The following THADA variants were observed in gnomAD, a reference collection of about 807,000 sequenced individuals.
The protein encoded by THADA is THADA armadillo repeat containing, also known as tRNA (32-2'-O)-methyltransferase regulator THADA.
Under a neutral mutation model 219.8 loss-of-function variants are expected in THADA, and 213 were observed. That is an observed-to-expected ratio of 0.97 (90% CI 0.87 to 1.09). THADA has a LOEUF of 1.09. Among genes scored for constraint, THADA ranks in the 50% least tolerant of loss-of-function variants. The pLI, the probability that THADA is intolerant of heterozygous loss-of-function variation, is 0.00. For synonymous variants in THADA, 1,018 were observed against 828.9 expected, an observed-to-expected ratio of 1.23 and a Z score of -3.92; for missense variants, 2,956 against 2,311.3, an observed-to-expected ratio of 1.28 and a Z score of -5.72.
intron 26 of THADA, among the ~76,000 whole-genome samples, chr2:43,456,940 G>A (rs1683072589): frequency 6.6e-6 from 1 of 152,076 alleles, no homozygotes; most frequent in East Asian, 1.9e-4. Context: ...TTGAAAGCAT[G>A]AATAAAATTT....
intron 36 of THADA, among the ~76,000 whole-genome samples, chr2:43,236,590 C>T (rs1326307005): frequency 6.6e-6 from 1 of 152,196 alleles, no homozygotes; most frequent in Non-Finnish European, 1.5e-5. Flanking sequence ...GGCTCAGTGG[C>T]TCACACCTGT....
intron 29 of THADA, among the ~76,000 whole-genome samples, chr2:43,389,875 C>T (rs754940678): frequency 2.0e-5 from 3 of 151,330 alleles, no homozygotes; most frequent in Non-Finnish European, 4.4e-5. Context: ...GTGCACATAA[C>T]ATGTAGCCAC....
At chr2:43,497,831 G>A (rs937113768) in intron 25 of THADA, among the ~76,000 whole-genome samples, 4 of 152,114 alleles carry the variant, frequency 2.6e-5, no homozygotes, top group African/African-American at 9.7e-5. Context: ...GTTGCAGTGA[G>A]CTGAGATCAC....
intron 16 of THADA, among the ~76,000 whole-genome samples, chr2:43,557,480 C>T (rs185935673): frequency 6.6e-6 from 1 of 152,292 alleles, no homozygotes; most frequent in South Asian, 2.1e-4. Flanking sequence ...GGAGGCTGTA[C>T]CTGGTGAAAC....
intron 30 of THADA, among the ~76,000 whole-genome samples, chr2:43,340,844 G>A (rs1324034125): frequency 2.0e-5 from 3 of 152,116 alleles, no homozygotes; most frequent in Admixed American, 6.5e-5. Flanking sequence ...AGAAGGGACC[G>A]CTAGGACGAG....
chr2:43,365,048 C>T (rs937748299), intron 29 of THADA, among the ~76,000 whole-genome samples: 1 of 151,272 alleles, frequency 6.6e-6, no homozygotes, highest in Non-Finnish European at 1.5e-5. Flanking sequence ...ACCTCCGCCT[C>T]CCGAGTAGCT....
chr2:43,566,258 G>A (rs531572557), intron 15 of THADA: 8 of 473,814 alleles, frequency 1.7e-5, no homozygotes, highest in East Asian at 6.8e-5. Context: ...TTGTCTTTCC[G>A]AAACCAGACT....
chr2:43,308,459 C>T (rs927882579), intron 31 of THADA, among the ~76,000 whole-genome samples: 1 of 152,104 alleles, frequency 6.6e-6, no homozygotes, highest in African/African-American at 2.4e-5. Context: ...AATCCCAACA[C>T]TTTGGGAGGC....
intron 15 of THADA, 26 bp downstream of exon 15, chr2:43,566,672 T>C (rs893315611): frequency 6.2e-7 from 1 of 1,607,878 alleles, no homozygotes; most frequent in South Asian, 1.1e-5. Flanking sequence ...CAAAAATTAC[T>C]TCCCCTAACA....
At chr2:43,450,663 C>T (rs1364653935) in intron 26 of THADA, among the ~76,000 whole-genome samples, 1 of 152,018 alleles carries the variant, frequency 6.6e-6, no homozygotes. Context: ...ATTAAACTCA[C>T]CAACCACAAG....
intron 29 of THADA, among the ~76,000 whole-genome samples, chr2:43,357,130 G>C (rs1668954102): frequency 6.6e-6 from 1 of 152,174 alleles, no homozygotes; most frequent in African/African-American, 2.4e-5. Flanking sequence ...CAAGTATTTA[G>C]CAAAGAACAT....
chr2:43,454,985 C>T (rs1682811474), intron 26 of THADA, among the ~76,000 whole-genome samples: 1 of 151,786 alleles, frequency 6.6e-6, no homozygotes, highest in Admixed American at 6.6e-5. Flanking sequence ...TGGGGTGAAT[C>T]ATTTTTCATT....
intron 22 of THADA, 66 bp from the exon 23 acceptor site, chr2:43,508,846 GCA>G (rs1690028606): frequency 1.3e-6 from 2 of 1,488,432 alleles, no homozygotes; most frequent in Non-Finnish European, 9.3e-7. Context: ...AACTATTGAT[GCA>G]CATTTACACT....
intron 29 of THADA, among the ~76,000 whole-genome samples, chr2:43,395,928 T>C (rs933616544): frequency 6.6e-6 from 1 of 152,074 alleles, no homozygotes; most frequent in African/African-American, 2.4e-5. Flanking sequence ...AGTTAATTTA[T>C]GTAATTTTAG....
At chr2:43,478,199 A>T (rs1043114083) in intron 26 of THADA, among the ~76,000 whole-genome samples, 1 of 152,246 alleles carries the variant, frequency 6.6e-6, no homozygotes, top group Non-Finnish European at 1.5e-5. Context: ...AATTAAGAGT[A>T]TATTTTATTT....
intron 31 of THADA, among the ~76,000 whole-genome samples, chr2:43,297,063 C>A (rs1390688491): frequency 9.8e-6 from 1 of 102,268 alleles, no homozygotes; most frequent in Non-Finnish European, 2.0e-5. Context: ...GGAGCGTCTC[C>A]GCCCGGCCGC....
At chr2:43,234,520 C>T (rs1234139484) in intron 36 of THADA, among the ~76,000 whole-genome samples, 1 of 152,182 alleles carries the variant, frequency 6.6e-6, no homozygotes, top group Non-Finnish European at 1.5e-5. Context: ...TGGGTCTGAG[C>T]CATGTGTTGA....
intron 34 of THADA, among the ~76,000 whole-genome samples, chr2:43,288,742 G>C (rs776295972): frequency 2.0e-5 from 3 of 152,116 alleles, no homozygotes; most frequent in Non-Finnish European, 4.4e-5. Context: ...ATTGGACATC[G>C]GTGATCAACT....
At chr2:43,562,465 T>TA (rs1698185482) in intron 15 of THADA, 1 of 152,076 alleles carries the variant, frequency 6.6e-6, no homozygotes, top group Non-Finnish European at 1.5e-5. Context: ...AGTCTGGTCT[T>TA]AAACTCCTGA....
Sources: allele counts gnomAD v4.1 joint callset (sites outside exome capture counted in the v4.1 genomes callset), GRCh38; gene constraint gnomAD v4.1.1; transcripts MANE v1.5; gene names NCBI Gene and HGNC (gene_info 2026-07-23, HGNC 2026-07-21).